The following ANK2 variants were observed in gnomAD, a reference collection of about 807,000 sequenced individuals.
ANK2 encodes ankyrin 2, also known as ankyrin-2.
A neutral mutation model predicts 360.5 loss-of-function variants in ANK2; 83 were observed. The observed-to-expected ratio is 0.23, with a 90% CI of 0.19 to 0.28. The LOEUF (loss-of-function observed/expected upper bound fraction) is 0.28. Among genes scored for constraint, ANK2 ranks in the 10% least tolerant of loss-of-function variants. ANK2 has a pLI of 1.00. For synonymous variants in ANK2, 1,740 were observed against 1,759.5 expected (o/e 0.99, Z 0.28); for missense variants, 4,201 against 4,795.7 (o/e 0.88, Z 3.66).
intron 1 of ANK2, among the ~76,000 whole-genome samples, chr4:113,165,834 G>C (rs922944619): frequency 6.6e-6 from 1 of 152,088 alleles, no homozygotes; most frequent in Non-Finnish European, 1.5e-5. Flanking sequence ...TGAAGCCTTA[G>C]ATAGGTGTGG....
At chr4:113,064,334 C>G (rs2074757083) in intron 1 of ANK2, among the ~76,000 whole-genome samples, 1 of 152,188 alleles carries the variant, frequency 6.6e-6, no homozygotes, top group African/African-American at 2.4e-5. Context: ...CTCTGTGTGA[C>G]TTACCGTGAT....
At chr4:113,081,550 T>G (rs536946764) in intron 1 of ANK2, among the ~76,000 whole-genome samples, 1 of 152,200 alleles carries the variant, frequency 6.6e-6, no homozygotes, top group Non-Finnish European at 1.5e-5. Context: ...TGCAAAAATT[T>G]TATTATCATT....
intron 2 of ANK2, among the ~76,000 whole-genome samples, chr4:113,175,482 C>T (rs949172736): frequency 6.6e-6 from 1 of 152,120 alleles, no homozygotes; most frequent in Non-Finnish European, 1.5e-5. Flanking sequence ...CATCTTTCCC[C>T]CTCTCCAGCC....
At chr4:113,365,962 C>CT (rs1212179413) in intron 41 of ANK2, among the ~76,000 whole-genome samples, 2 of 152,100 alleles carry the variant, frequency 1.3e-5, no homozygotes, top group Non-Finnish European at 1.5e-5. Flanking sequence ...ATTTCATCTC[C>CT]TTTTACTCAA....
intron 1 of ANK2, among the ~76,000 whole-genome samples, chr4:113,123,397 A>G (rs967132634): frequency 2.0e-5 from 3 of 152,174 alleles, no homozygotes; most frequent in East Asian, 1.9e-4. Flanking sequence ...TACTCATGCC[A>G]TATTTAATGA....
intron 1 of ANK2, among the ~76,000 whole-genome samples, chr4:112,856,883 G>C (rs552160918): frequency 1.3e-5 from 2 of 152,230 alleles, no homozygotes; most frequent in Non-Finnish European, 2.9e-5. Context: ...AGTTGAAGAC[G>C]TATAGCCAAT....
chr4:112,777,483 C>T, the ANK2 span, among the ~76,000 whole-genome samples: 5 of 152,102 alleles, frequency 3.3e-5, no homozygotes, highest in East Asian at 1.9e-4. Context: ...CCTCGTGATC[C>T]GCCCGCCTCG....
chr4:112,977,386 GT>G (rs752463558), intron 2 of ANK2, among the ~76,000 whole-genome samples: 11 of 151,906 alleles, frequency 7.2e-5, no homozygotes, highest in Non-Finnish European at 1.6e-4. Flanking sequence ...TTTAAGAAAT[GT>G]TTTATATTAA....
intron 1 of ANK2, among the ~76,000 whole-genome samples, chr4:112,901,783 T>C (rs1051544848): frequency 1.3e-5 from 2 of 150,782 alleles, no homozygotes; most frequent in Admixed American, 1.3e-4. Flanking sequence ...GAGAATCGCT[T>C]AAACCCAGGA....
chr4:113,289,273 T>A (rs1347787935), intron 20 of ANK2, among the ~76,000 whole-genome samples: 1 of 149,022 alleles, frequency 6.7e-6, no homozygotes, highest in African/African-American at 2.5e-5. Flanking sequence ...TGGAAAGCAA[T>A]GGCACGATCA....
chr4:112,719,739 AAAAG>A, the ANK2 span, among the ~76,000 whole-genome samples: 1 of 151,948 alleles, frequency 6.6e-6, no homozygotes, highest in Admixed American at 6.6e-5. Flanking sequence ...AAAAAAAAAA[AAAAG>A]AAGGTATAAT....
At chr4:113,239,608 C>T (rs1703308970) in intron 7 of ANK2, among the ~76,000 whole-genome samples, 2 of 151,956 alleles carry the variant, frequency 1.3e-5, no homozygotes, top group South Asian at 4.2e-4. Context: ...TAACATGCTT[C>T]TATTGCAAAG....
At position 113,126,650 on chromosome 4, in the gene ANK2, A is replaced by G. The variant is rs932540670; in HGVS notation, c.85-47766A>G. Among the ~76,000 whole-genome samples, 3 of 152,148 alleles carry G rather than the reference A, an allele frequency of 2.0e-5. 1 individual carries two copies. The highest frequency in any genetic ancestry group is 4.1e-4 in the South Asian group (2 of 4,826). On this transcript the variant is annotated intron_variant, in intron 1 of 45. Coordinates refer to ENST00000357077, the MANE Select transcript of ANK2 (RefSeq NM_001148.6). ...GGGAGAGAGAAAAGCCATCTGTGAA[A>G]TCACACGTTTCCATTACTGGGGAGA...
intron 24 of ANK2, chr4:113,317,453 T>A: frequency 4.1e-6 from 2 of 490,854 alleles, no homozygotes; most frequent in East Asian, 3.7e-5. Flanking sequence ...AGAAAATGAA[T>A]CAGATTAGGA....
At chr4:113,146,665 G>C (rs147223920) in intron 1 of ANK2, among the ~76,000 whole-genome samples, 4 of 145,396 alleles carry the variant, frequency 2.8e-5, no homozygotes, top group African/African-American at 7.9e-5. Flanking sequence ...GGGTACAAAG[G>C]CTTATTGTGA....
chr4:113,293,369 G>T, intron 21 of ANK2, 71 bp from the exon 22 acceptor site: 1 of 1,299,426 alleles, frequency 7.7e-7, no homozygotes, highest in South Asian at 1.2e-5. Context: ...CAGAGCAGCG[G>T]GTGAGCTCAT....
At chr4:112,973,060 T>A (rs907289607) in intron 2 of ANK2, among the ~76,000 whole-genome samples, 1 of 151,994 alleles carries the variant, frequency 6.6e-6, no homozygotes, top group African/African-American at 2.4e-5. Flanking sequence ...GACTACTTAC[T>A]GGGAACAGTG....
At chr4:112,927,300 TC>T (rs1439721203) in intron 2 of ANK2, among the ~76,000 whole-genome samples, 1 of 152,230 alleles carries the variant, frequency 6.6e-6, no homozygotes, top group Non-Finnish European at 1.5e-5. Context: ...TTTACTTATA[TC>T]ATCTTATATT....
Position 113,354,797 on chromosome 4 carries a change from G to T in ANK2, c.6179G>T (p.Gly2060Val). 9 of 1,614,154 alleles carry T rather than the reference G, an allele frequency of 5.6e-6. No homozygotes were observed. The highest frequency in any genetic ancestry group is 7.6e-6 in the Non-Finnish European group (9 of 1,180,012). Residue 2060 changes from glycine (G) to valine (V), a missense_variant, in exon 38 of 46, where the codon GGC becomes GTC. This residue lies in a region of ANK2 where 2,642 missense variants were observed against 2,714.5 expected (regional missense o/e 0.97). Transcript: ENST00000357077. ...CGAGGCCAGAGACTCCCGGTAACGG[G>T]CACAGCAGAATCCAAAAGAGGAGTT... ...IKRGQRLPVT[G>V]TAESKRGVRV...
Sources: gnomAD v4.1 joint callset for allele counts (sites outside exome capture counted in the v4.1 genomes callset) on GRCh38, gnomAD v4.1.1 for gene constraint, gnomAD v4.1.1 regional missense constraint, MANE v1.5 for transcripts, NCBI Gene and HGNC (gene_info 2026-07-23, HGNC 2026-07-21) for gene names.